Variants in KANK1 observed in about 807,000 individuals in gnomAD.
KANK1 encodes the protein KN motif and ankyrin repeat domain-containing protein 1.
KANK1 carries 109 observed loss-of-function variants against 106.2 expected under a neutral mutation model. That is an observed-to-expected ratio of 1.03 (90% CI 0.88 to 1.20). KANK1 has a LOEUF of 1.20. KANK1 is among the 50% of genes most tolerant of loss of function. The probability of loss-of-function intolerance (pLI) is 0.00; values close to 1 mark genes in which losing one functional copy is unlikely to be tolerated. For synonymous variants in KANK1, 873 were observed against 652.2 expected (o/e 1.34, Z -5.16); for missense variants, 2,399 against 1,710.7 (o/e 1.40, Z -7.10).
At chr9:507,979 C>T (rs1289696934) in intron 1 of KANK1, among the ~76,000 whole-genome samples, 1 of 151,948 alleles carries the variant, frequency 6.6e-6, no homozygotes, top group Non-Finnish European at 1.5e-5. Flanking sequence ...CGCCCCCACA[C>T]TTGGCTAATT....
At chr9:665,793 A>G (rs1249928846) in intron 1 of KANK1, among the ~76,000 whole-genome samples, 1 of 152,216 alleles carries the variant, frequency 6.6e-6, no homozygotes, top group African/African-American at 2.4e-5. Flanking sequence ...TGAGCATGGA[A>G]TAATATCTTC....
chr9:728,139 G>A (rs1361695388), intron 3 of KANK1, among the ~76,000 whole-genome samples: 3 of 152,096 alleles, frequency 2.0e-5, no homozygotes, highest in Non-Finnish European at 2.9e-5. Flanking sequence ...AAAAGAAAAT[G>A]AAGTATTTTA....
At chr9:540,021 T>C (rs1245308593) in intron 1 of KANK1, among the ~76,000 whole-genome samples, 2 of 152,220 alleles carry the variant, frequency 1.3e-5, no homozygotes, top group Non-Finnish European at 2.9e-5. Flanking sequence ...ATTTTTGATG[T>C]ATTTTATTTT....
chr9:643,985 G>C (rs1050440295), intron 1 of KANK1, among the ~76,000 whole-genome samples: 1 of 151,036 alleles, frequency 6.6e-6, no homozygotes, highest in Non-Finnish European at 1.5e-5. Context: ...TTACAGGCGT[G>C]AGCTGCCACG....
At chr9:717,647 A>T (rs1192031029) in intron 3 of KANK1, among the ~76,000 whole-genome samples, 3 of 152,200 alleles carry the variant, frequency 2.0e-5, no homozygotes, top group Non-Finnish European at 2.9e-5. Flanking sequence ...AAAAGTTAAG[A>T]GGAAATGAGT....
intron 3 of KANK1, among the ~76,000 whole-genome samples, chr9:725,437 G>A (rs956820739): frequency 1.4e-5 from 2 of 143,186 alleles, no homozygotes; most frequent in Admixed American, 7.4e-5. Context: ...AGGTTGCAGT[G>A]AACTGAGATC....
chr9:667,515 GTTGTC>G (rs1190119540), intron 1 of KANK1, among the ~76,000 whole-genome samples: 1 of 151,600 alleles, frequency 6.6e-6, no homozygotes, highest in Non-Finnish European at 1.5e-5. Context: ...CCATTATTAG[GTTGTC>G]TTTTGGTAGT....
intron 2 of KANK1, among the ~76,000 whole-genome samples, chr9:694,036 T>C (rs2139602440): frequency 6.6e-6 from 1 of 152,332 alleles, no homozygotes; most frequent in East Asian, 1.9e-4. Context: ...TTTGAGTTTT[T>C]GAGTTTAAGG....
intron 1 of KANK1, among the ~76,000 whole-genome samples, chr9:571,180 G>A (rs1819061382): frequency 6.6e-6 from 1 of 152,170 alleles, no homozygotes; most frequent in Non-Finnish European, 1.5e-5. Flanking sequence ...ACTGTGGGGT[G>A]TTTTGTGTGA....
chr9:683,022 T>A (rs1006973764), intron 2 of KANK1, among the ~76,000 whole-genome samples: 4 of 152,164 alleles, frequency 2.6e-5, no homozygotes, highest in Non-Finnish European at 4.4e-5. Flanking sequence ...AGTATAAGAC[T>A]AGTTTGCAGT....
At chr9:706,313 A>G (rs1454647299) in intron 2 of KANK1, among the ~76,000 whole-genome samples, 11 of 152,238 alleles carry the variant, frequency 7.2e-5, no homozygotes, top group South Asian at 4.1e-4. Flanking sequence ...ACAACGTGAT[A>G]CATGCTTTTT....
chr9:572,954 A>G (rs1055343266), intron 1 of KANK1, among the ~76,000 whole-genome samples: 5 of 152,144 alleles, frequency 3.3e-5, no homozygotes, highest in Admixed American at 6.5e-5. Flanking sequence ...TATTATCACA[A>G]TGTATGTCCT....
In KANK1 at chr9:738,178, C is replaced by G. The variant is rs1268074972; in HGVS notation, c.3334-107C>G. On this transcript the variant is annotated intron_variant, in intron 7 of 11. Coordinates refer to ENST00000382297, the MANE Select transcript of KANK1 (RefSeq NM_015158.5). ...GTTGGTTTTTGAGAGCAGATTCTAA[C>G]TGCATATATATACTTTGACTATAAA... The G allele has an allele frequency of 3.4e-6, 3 of 878,786 alleles. No homozygotes were observed. The Admixed American group carries it at 7.7e-5, about 22-fold the overall frequency. 54.4% of individuals were successfully genotyped at this position (878,786 alleles called of 1,614,324 possible). A position where few individuals can be genotyped will look rare whatever the true frequency, so the allele number is the denominator to read the frequency against.
chr9:632,149 G>T (rs11793842), intron 1 of KANK1, among the ~76,000 whole-genome samples: 3 of 152,096 alleles, frequency 2.0e-5, no homozygotes, highest in Admixed American at 1.3e-4. Context: ...ATGGTCAAAC[G>T]TTAGAAAGTG....
chr9:503,733 TC>T (rs767414374), upstream of KANK1, among the ~76,000 whole-genome samples: 2 of 152,106 alleles, frequency 1.3e-5, no homozygotes, highest in Non-Finnish European at 2.9e-5. Flanking sequence ...GTTCCCAAGC[TC>T]CTCTTCTGTT....
At chr9:702,705 C>G (rs564196637) in intron 2 of KANK1, among the ~76,000 whole-genome samples, 1 of 152,218 alleles carries the variant, frequency 6.6e-6, no homozygotes, top group South Asian at 2.1e-4. Flanking sequence ...ATTGTCAAGA[C>G]GATCTTTGTT....
chr9:529,234 TAC>T lies in KANK1; in HGVS notation c.-84+24500_-84+24501del, dbSNP rs5895851. Among the ~76,000 whole-genome samples the T allele has an allele frequency of 2.8e-3, 410 of 148,706 alleles. 2 individuals are homozygous for T. Among genetic ancestry groups the T allele is most frequent in the African/African-American group, 8.3e-3 (334 of 40,216 alleles). ...ATAACTCTGTTAATATATATATATA[TAC>T]ACACACACACACACACACATATACA... On this transcript the variant is annotated intron_variant, in intron 1 of 11. Coordinates refer to ENST00000382297, the MANE Select transcript of KANK1 (RefSeq NM_015158.5).
chr9:515,081 C>T (rs375184115), intron 1 of KANK1, among the ~76,000 whole-genome samples: 10 of 151,902 alleles, frequency 6.6e-5, no homozygotes, highest in Middle Eastern at 3.4e-3. Flanking sequence ...CAGTGGCTCA[C>T]GCCTGTAATC....
intron 3 of KANK1, among the ~76,000 whole-genome samples, chr9:486,282 C>T (rs1308120609): frequency 6.6e-6 from 1 of 152,128 alleles, no homozygotes; most frequent in African/African-American, 2.4e-5. Flanking sequence ...TGGAGAAGTC[C>T]GTGTAACTCT....
Sources: gnomAD v4.1 joint callset for allele counts (sites outside exome capture counted in the v4.1 genomes callset) on GRCh38, gnomAD v4.1.1 for gene constraint, MANE v1.5 for transcripts, NCBI Gene and HGNC (gene_info 2026-07-23, HGNC 2026-07-21) for gene names.